LIFR: variants seen among roughly 807,000 people sequenced by gnomAD.
The protein encoded by LIFR is LIF receptor subunit alpha, also known as leukemia inhibitory factor receptor.
Under a neutral mutation model 122.2 loss-of-function variants are expected in LIFR, and 84 were observed. The ratio of observed to expected loss-of-function variants is 0.69; its 90% CI spans 0.58 to 0.82. The LOEUF (loss-of-function observed/expected upper bound fraction) is 0.82, where lower values mean the gene tolerates loss of function less well. LIFR is among the 40% of genes least tolerant of loss of function. LIFR has a pLI of 0.00. For missense variants in LIFR, 1,294 were observed against 1,311.6 expected (o/e 0.99, Z 0.21); for synonymous variants, 422 against 434.7 (o/e 0.97, Z 0.36).
upstream of LIFR, among the ~76,000 whole-genome samples, chr5:38,598,249 T>C (rs1326705820): frequency 3.1e-5 from 2 of 64,784 alleles, no homozygotes; most frequent in Non-Finnish European, 5.7e-5. Context: ...TTATTTATTT[T>C]TTTTTTTTTT....
chr5:38,520,909 A>G (rs1746364132), intron 5 of LIFR, among the ~76,000 whole-genome samples: 1 of 152,150 alleles, frequency 6.6e-6, no homozygotes, highest in South Asian at 2.1e-4. Context: ...GGACTGCTTC[A>G]GCTATTTGGG....
At chr5:38,570,253 A>G (rs754794555) in intron 1 of LIFR, among the ~76,000 whole-genome samples, 2 of 152,188 alleles carry the variant, frequency 1.3e-5, no homozygotes, top group Non-Finnish European at 2.9e-5. Context: ...TAATAAGTAC[A>G]TGTAAGTGTT....
At chr5:38,560,934 G>A (rs1053909463), upstream of LIFR, among the ~76,000 whole-genome samples, 4 of 151,958 alleles carry the variant, frequency 2.6e-5, no homozygotes, top group Admixed American at 1.3e-4. Flanking sequence ...CTTCCAAAAG[G>A]GACTTAAGGT....
chr5:38,493,828 T>C (rs766610718), intron 13 of LIFR, 43 bp from the exon 14 acceptor site: 1 of 1,504,066 alleles, frequency 6.6e-7, no homozygotes, highest in South Asian at 1.1e-5. Flanking sequence ...TTAAAAACAA[T>C]AATATAAGGC....
chr5:38,533,428 C>T (rs748556250), intron 1 of LIFR, among the ~76,000 whole-genome samples: 1 of 152,146 alleles, frequency 6.6e-6, no homozygotes, highest in Non-Finnish European at 1.5e-5. Flanking sequence ...CCCCACATGG[C>T]AAAGTTCAGT....
At chr5:38,578,967 T>G (rs531990325) in intron 1 of LIFR, among the ~76,000 whole-genome samples, 1 of 152,266 alleles carries the variant, frequency 6.6e-6, no homozygotes, top group African/African-American at 2.4e-5. Context: ...ATTTAGACAA[T>G]CAATACAGAA....
At chr5:38,512,739 T>G (rs1207882342) in intron 5 of LIFR, among the ~76,000 whole-genome samples, 3 of 152,136 alleles carry the variant, frequency 2.0e-5, no homozygotes, top group Non-Finnish European at 4.4e-5. Context: ...TCAAAAAGTT[T>G]TGAATTTTAA....
intron 2 of LIFR, among the ~76,000 whole-genome samples, chr5:38,600,803 G>A (rs1438225068): frequency 1.3e-5 from 2 of 152,138 alleles, no homozygotes; most frequent in Non-Finnish European, 2.9e-5. Context: ...CTTCTAGGAT[G>A]ATGACTCAAG....
In LIFR at chr5:38,481,523, C is replaced by T; in HGVS notation, c.*72G>A. ...CTTCACAGGATCCCTCCAAGAATGC[C>T]CAGTGCTGATGTAGCAACACTAGCA... On this transcript the variant is annotated 3_prime_UTR_variant, in exon 20 of 20. Coordinates refer to ENST00000453190, the MANE Select transcript of LIFR (RefSeq NM_001127671.2). 6.8e-7 allele frequency: 1 copy of T among 1,468,328 alleles called. No homozygotes were observed. The highest frequency in any genetic ancestry group is 9.5e-7 in the Non-Finnish European group (1 of 1,047,572). The allele number at this position is 1,468,328 out of a possible 1,614,324, so 91.0% of individuals were successfully genotyped here.
intron 16 of LIFR, among the ~76,000 whole-genome samples, chr5:38,487,750 C>T (rs540284584): frequency 1.3e-5 from 2 of 152,226 alleles, no homozygotes; most frequent in East Asian, 1.9e-4. Context: ...AGTGAAACAG[C>T]GGAGAAGGGG....
At chr5:38,589,343 TAAAC>T (rs1000633739) in intron 1 of LIFR, among the ~76,000 whole-genome samples, 4 of 152,152 alleles carry the variant, frequency 2.6e-5, no homozygotes, top group Non-Finnish European at 5.9e-5. Flanking sequence ...TGATCATGTT[TAAAC>T]AAGAAATAGT....
chr5:38,520,086 C>T (rs1237213185), intron 5 of LIFR, among the ~76,000 whole-genome samples: 2 of 152,106 alleles, frequency 1.3e-5, no homozygotes, highest in Non-Finnish European at 2.9e-5. Flanking sequence ...CATTCCCAGT[C>T]GCATTGTATA....
At chr5:38,495,440 C>G (rs577208982) in intron 13 of LIFR, among the ~76,000 whole-genome samples, 4 of 152,330 alleles carry the variant, frequency 2.6e-5, no homozygotes, top group African/African-American at 7.2e-5. Flanking sequence ...CCCTGTGCAT[C>G]TCCAGCAGCA....
chr5:38,496,289 G>A lies in LIFR; in HGVS notation c.1885+93C>T, dbSNP rs1322746835. ...AGGTCAGCAGCAACAAGGTATACGAGAAGAAGGCTGACATGACAAAAGAGC... is the reference window on the plus strand; with the variant it reads ...AGGTCAGCAGCAACAAGGTATACGAAAAGAAGGCTGACATGACAAAAGAGC... On this transcript the variant is annotated intron_variant, in intron 13 of 19. Transcript: ENST00000453190. The A allele has an allele frequency of 1.2e-5, 12 of 1,014,028 alleles. No individual in the cohort carries two copies. The Admixed American group carries it at 2.0e-4, about 17-fold the overall frequency. 62.8% of individuals were successfully genotyped at this position (1,014,028 alleles called of 1,614,324 possible).
intron 1 of LIFR, among the ~76,000 whole-genome samples, chr5:38,532,431 G>GA (rs1223451708): frequency 6.6e-6 from 1 of 152,168 alleles, no homozygotes; most frequent in Non-Finnish European, 1.5e-5. Context: ...TTCCCAAAGC[G>GA]AAGCTGTAAT....
chr5:38,505,937 T>G lies in LIFR; in HGVS notation c.1259A>C (p.Gln420Pro). 3 of 1,609,538 alleles carry G rather than the reference T, an allele frequency of 1.9e-6. No homozygotes were observed. The highest frequency in any genetic ancestry group is 2.2e-5 in the South Asian group (2 of 89,978). ...LNAHNPLGRSQSTILVNITEK... is the reference protein window; with the variant it reads ...LNAHNPLGRSPSTILVNITEK... ...AGTTATATTAACTAAAATTGTTGAT[T>G]GTGATCGACCCAGCGGATTGTGAGC... The change falls in exon 9 of 20, where the codon CAA becomes CCA. Residue 420 changes from glutamine to proline, a missense_variant. Gln to Pro is a moderately conservative substitution (Grantham distance 76). Coordinates refer to ENST00000453190, the MANE Select transcript of LIFR (RefSeq NM_001127671.2).
chr5:38,547,183 T>G (rs1747940456), intron 1 of LIFR, among the ~76,000 whole-genome samples: 1 of 152,174 alleles, frequency 6.6e-6, no homozygotes, highest in Non-Finnish European at 1.5e-5. Context: ...ATGTACAATT[T>G]GTCACCTGCA....
chr5:38,487,075 C>T (rs1288991197), intron 16 of LIFR, among the ~76,000 whole-genome samples: 1 of 152,130 alleles, frequency 6.6e-6, no homozygotes, highest in African/African-American at 2.4e-5. Context: ...CCCAGGTCCA[C>T]ATCTTCTCTG....
intron 1 of LIFR, among the ~76,000 whole-genome samples, chr5:38,564,735 TACACACACACACACAC>T (rs3047301): frequency 4.9e-4 from 68 of 137,402 alleles, no homozygotes; most frequent in Admixed American, 4.8e-3. Flanking sequence ...ACACACACAC[TACACACACACACACAC>T]ACACACACAC....
Sources: gnomAD v4.1 joint callset for allele counts (sites outside exome capture counted in the v4.1 genomes callset) on GRCh38, gnomAD v4.1.1 for gene constraint, MANE v1.5 for transcripts, NCBI Gene and HGNC (gene_info 2026-07-23, HGNC 2026-07-21) for gene names.